The following C1orf198 variants were observed in gnomAD, a reference collection of about 807,000 sequenced individuals.
C1orf198 encodes chromosome 1 open reading frame 198, also known as uncharacterized protein C1orf198.
A neutral mutation model predicts 31.4 loss-of-function variants in C1orf198; 17 were observed. The ratio of observed to expected loss-of-function variants is 0.54; its 90% CI spans 0.37 to 0.81. C1orf198 has a LOEUF of 0.81. Among genes scored for constraint, C1orf198 ranks in the 40% least tolerant of loss-of-function variants. The pLI is 0.00. For synonymous variants in C1orf198, 175 were observed against 193.8 expected, an observed-to-expected ratio of 0.90 and a Z score of 0.81; for missense variants, 401 against 450.3, an observed-to-expected ratio of 0.89 and a Z score of 0.99.
At position 230,868,332 on chromosome 1, in the gene C1orf198, G is replaced by C. The variant is rs1670171248; in HGVS notation, c.181C>G (p.Leu61Val). ...ATCTCGTCCTGCTGCGCGGGCGGCA[G>C]CCGCGCCCACTCGGGCCCGTACTTC... ...REKYGPEWAR[L>V]PPAQQDEIID... Residue 61 changes from leucine (L) to valine (V), a missense_variant, in exon 1 of 4, where the codon CTG (leucine) becomes GTG (valine). Transcript: ENST00000366663. 1 of 1,596,088 alleles carries C rather than the reference G, an allele frequency of 6.3e-7. No individual in the cohort carries two copies. Among genetic ancestry groups the C allele is most frequent in the East Asian group, 2.3e-5 (1 of 42,694 alleles).
chr1:230,847,324 T>C (rs1349599358), intron 2 of C1orf198, among the ~76,000 whole-genome samples: 1 of 151,806 alleles, frequency 6.6e-6, no homozygotes, highest in African/African-American at 2.4e-5. Flanking sequence ...AAAGCATTGG[T>C]TCTCTGGTTA....
At chr1:230,863,014 A>G (rs1394674796) in intron 1 of C1orf198, among the ~76,000 whole-genome samples, 1 of 152,222 alleles carries the variant, frequency 6.6e-6, no homozygotes, top group Non-Finnish European at 1.5e-5. Flanking sequence ...CAAAAAGAGG[A>G]GAGTAAGGAA....
At chr1:230,863,973 TA>T (rs1245928994) in intron 1 of C1orf198, among the ~76,000 whole-genome samples, 4 of 152,188 alleles carry the variant, frequency 2.6e-5, no homozygotes, top group African/African-American at 4.8e-5. Context: ...ATTTTTATTT[TA>T]TTTTTTTAAT....
intron 2 of C1orf198, among the ~76,000 whole-genome samples, chr1:230,854,164 A>G (rs566472669): frequency 2.6e-5 from 4 of 152,288 alleles, no homozygotes; most frequent in African/African-American, 7.2e-5. Context: ...TATCACTATG[A>G]TATCTTCAAA....
rs901582826 is a variant in C1orf198 at position 230,857,388 on chromosome 1, C to T, written c.334-1670G>A. 7.9e-5 allele frequency among the ~76,000 whole-genome samples: 12 copies of T among 152,220 alleles called. No homozygotes were observed. The highest frequency in any genetic ancestry group is 2.4e-4 in the African/African-American group (10 of 41,454). ...TGAATAAACAAACTCTGCACAAGCC[C>T]GGATCCTTTCACAGGTTGATTTTCC... On this transcript the variant is annotated intron_variant, in intron 1 of 3. Coordinates refer to ENST00000366663, the MANE Select transcript of C1orf198 (RefSeq NM_032800.3). This position sits in a 1 kb window ranked among gnomAD's most constrained non-coding sequence, Gnocchi z 4.2.
chr1:230,864,925 C>A (rs1670083071), intron 1 of C1orf198, among the ~76,000 whole-genome samples: 1 of 152,150 alleles, frequency 6.6e-6, no homozygotes, highest in South Asian at 2.1e-4. Context: ...ACAGGGTGAT[C>A]CCTCTAAAAT....
Position 230,843,627 on chromosome 1 carries a change from C to T in C1orf198, c.654G>A (p.Met218Ile). ...GAGGCAAGACCTTTTCCCCCTTCTC[C>T]ATGGACTTGATCTGGCTAGGGGTCA... Reference protein sequence around the residue: ...QSLTPSQIKSMEKGEKVLPPC... With the variant: ...QSLTPSQIKSIEKGEKVLPPC... Residue 218 changes from methionine (M) to isoleucine (I), a missense_variant, in exon 3 of 4, where the codon ATG becomes ATA. Met to Ile is a conservative substitution (Grantham distance 10). Transcript: ENST00000366663. This position sits in a 1 kb window ranked among gnomAD's most constrained non-coding sequence, Gnocchi z 4.9. The T allele has an allele frequency of 6.2e-7, 1 of 1,614,248 alleles. No individual in the cohort carries two copies. The highest frequency in any genetic ancestry group is 2.2e-5 in the East Asian group (1 of 44,864).
rs1160600538 is a variant in C1orf198 at position 230,837,264 on chromosome 1, CA to C, written c.*2587del. 4 of 152,664 alleles carry C rather than the reference CA, an allele frequency of 2.6e-5. No individual in the cohort carries two copies. Among genetic ancestry groups the C allele is most frequent in the Non-Finnish European group, 4.4e-5 (3 of 68,056 alleles). The allele number at this position is 152,664 out of a possible 1,614,324, so 9.5% of individuals were successfully genotyped here. On this transcript the variant is annotated 3_prime_UTR_variant, in exon 4 of 4. Transcript: ENST00000366663. The stretch of plus-strand genomic sequence containing the variant: ...AGGGAGGCTCTTCCTGAAATCCACA[CA>C]GGGGGGTGCGGCTCAGACGGGTGAC...
At chr1:230,856,913 T>C (rs1043601847) in intron 1 of C1orf198, among the ~76,000 whole-genome samples, 1 of 152,188 alleles carries the variant, frequency 6.6e-6, no homozygotes, top group East Asian at 1.9e-4. Flanking sequence ...CCCTCTCCTC[T>C]ACAGGGCAAA....
At chr1:230,864,560 T>C (rs957592891) in intron 1 of C1orf198, among the ~76,000 whole-genome samples, 2 of 152,196 alleles carry the variant, frequency 1.3e-5, no homozygotes, top group African/African-American at 4.8e-5. Flanking sequence ...GGGACAGAGC[T>C]GTCTGGCTCC....
intron 1 of C1orf198, among the ~76,000 whole-genome samples, chr1:230,864,609 C>T (rs925537627): frequency 3.3e-5 from 5 of 152,076 alleles, no homozygotes; most frequent in Non-Finnish European, 7.4e-5. Context: ...CATGTGAAAC[C>T]CCGATTAGGG....
At chr1:230,848,186 T>C (rs182252728) in intron 2 of C1orf198, among the ~76,000 whole-genome samples, 15 of 152,318 alleles carry the variant, frequency 9.8e-5, no homozygotes, top group Admixed American at 3.9e-4. Flanking sequence ...GAAGAGGGCT[T>C]TGCTGGCAGA....
intron 2 of C1orf198, among the ~76,000 whole-genome samples, chr1:230,850,109 C>G (rs1558138748): frequency 6.6e-6 from 1 of 152,194 alleles, no homozygotes; most frequent in Non-Finnish European, 1.5e-5. Flanking sequence ...ATTGTGTCTG[C>G]CATTCTGGGC....
intron 2 of C1orf198, among the ~76,000 whole-genome samples, chr1:230,854,085 G>A (rs373450058): frequency 5.3e-4 from 80 of 152,318 alleles, no homozygotes; most frequent in African/African-American, 1.8e-3. Flanking sequence ...GAGAACAGAT[G>A]TTCTCGTGGG....
At chr1:230,868,153 A>T in intron 1 of C1orf198, 27 bp downstream of exon 1, 1 of 1,358,040 alleles carries the variant, frequency 7.4e-7, no homozygotes, top group Non-Finnish European at 9.5e-7. Context: ...GGAGGGGAAG[A>T]GGGTCCGCGG....
rs1260898910 is a variant in C1orf198 at position 230,861,621 on chromosome 1, G to A, written c.334-5903C>T. On this transcript the variant is annotated intron_variant, in intron 1 of 3. Transcript: ENST00000366663. ...AAATGCTAGAAGTCAGGGCTAGTTC[G>A]CCTCACTCCCCCAGAGCCGGCTCCA... Among the ~76,000 whole-genome samples the A allele has an allele frequency of 3.0e-4, 46 of 152,150 alleles. 1 individual carries two copies. The highest frequency in any genetic ancestry group is 2.8e-3 in the Admixed American group (43 of 15,270).
chr1:230,854,306 A>G (rs928449568), intron 2 of C1orf198, among the ~76,000 whole-genome samples: 6 of 152,234 alleles, frequency 3.9e-5, no homozygotes, highest in Non-Finnish European at 7.4e-5. Flanking sequence ...ACTTCTCACA[A>G]TTACCCATTT....
Position 230,843,734 on chromosome 1 carries a change from T to A in C1orf198, c.547A>T (p.Arg183Trp). 6.2e-7 allele frequency: 1 copy of A among 1,614,112 alleles called. No individual in the cohort carries two copies. Among genetic ancestry groups the A allele is most frequent in the Non-Finnish European group, 8.5e-7 (1 of 1,179,990 alleles). ...CAGAATGACGCTTCCTCCTCCTTCC[T>A]GGTGGGGCCCAGGGCGTCCAGGCTG... ...SSSLDALGPT[R>W]KEEEASFWKI... is the part of the protein sequence containing the mutation. Residue 183 changes from arginine (R) to tryptophan (W), a missense_variant, in exon 3 of 4, where the codon AGG becomes TGG. By Grantham distance (101) the Arg-to-Trp change is moderately radical (BLOSUM62 -3). Coordinates refer to ENST00000366663, the MANE Select transcript of C1orf198 (RefSeq NM_032800.3). This position sits in a 1 kb window ranked among gnomAD's most constrained non-coding sequence, Gnocchi z 4.9.
chr1:230,856,639 T>C (rs988574273), intron 1 of C1orf198, among the ~76,000 whole-genome samples: 3 of 152,198 alleles, frequency 2.0e-5, no homozygotes, highest in African/African-American at 7.2e-5. Context: ...GGGATGCTCC[T>C]GCCTTGGGTG....
Sources: allele counts gnomAD v4.1 joint callset (sites outside exome capture counted in the v4.1 genomes callset), GRCh38; gene constraint gnomAD v4.1.1; non-coding constraint Gnocchi (gnomAD v3.1); transcripts MANE v1.5; gene names NCBI Gene and HGNC (gene_info 2026-07-23, HGNC 2026-07-21).